Variants in KARS1 observed in about 807,000 individuals in gnomAD.
KARS1 encodes the protein lysine--tRNA ligase.
In KARS1, 50 loss-of-function variants were observed where a neutral mutation model predicts 63.9. The ratio of observed to expected loss-of-function variants is 0.78; its 90% CI spans 0.62 to 0.99. The LOEUF is 0.99. Ranked by LOEUF, KARS1 falls within the 50% of genes least tolerant of loss-of-function variation. The pLI is 0.00. For synonymous variants in KARS1, 320 were observed against 264.6 expected (o/e 1.21, Z -2.03); for missense variants, 816 against 754.5 (o/e 1.08, Z -0.95).
At chr16:75,635,628 G>A in intron 6 of KARS1, 52 bp downstream of exon 6, 3 of 1,604,432 alleles carry the variant, frequency 1.9e-6, no homozygotes, top group Non-Finnish European at 2.6e-6. Context: ...GGGAGAGGAG[G>A]AGGCAAGCAT....
chr16:75,630,660 G>A (rs1476268100), intron 10 of KARS1, 152 bp from the exon 11 acceptor site: 9 of 353,098 alleles, frequency 2.5e-5, no homozygotes, highest in Non-Finnish European at 4.6e-5. Flanking sequence ...TATTGAGATG[G>A]AGTCTCGCTC....
intron 4 of KARS1, 70 bp from the exon 5 acceptor site, chr16:75,636,168 A>C: frequency 1.0e-6 from 1 of 971,090 alleles, no homozygotes; most frequent in Non-Finnish European, 1.6e-6. Context: ...CTCCTCTGGA[A>C]CCCTCACTCA....
chr16:75,640,263 G>C lies in KARS1; in HGVS notation c.309C>G (p.Ile103Met), dbSNP rs199833875. Residue 103 changes from isoleucine to methionine, a missense_variant, in exon 3 of 14, where the codon ATC becomes ATG. Transcript: ENST00000302445. ...ATTTTTGGATGAAGTCAGTGAGTGA[G>C]ATGTCTACATGGAACTTGTGTGGGT... ...DPYPHKFHVD[I>M]SLTDFIQKYS... 353 of 1,613,390 alleles carry C rather than the reference G, an allele frequency of 2.2e-4. 1 individual carries two copies. The highest frequency in any genetic ancestry group is 8.8e-5 in the Non-Finnish European group (104 of 1,179,808).
At chr16:75,645,086 C>T (rs8047430) in intron 1 of KARS1, among the ~76,000 whole-genome samples, 152,366 of 152,378 alleles carry the variant, frequency 1, 76,177 homozygotes, top group Non-Finnish European at 1. Flanking sequence ...CTATTTCACT[C>T]GGGCAGGGAG....
intron 4 of KARS1, 41 bp downstream of exon 4, chr16:75,636,413 G>A (rs2082162146): frequency 1.5e-6 from 2 of 1,308,322 alleles, no homozygotes; most frequent in East Asian, 4.6e-5. Flanking sequence ...TGTTGCTCTA[G>A]GCCAACCAAG....
At position 75,631,435 on chromosome 16, in the gene KARS1, C is replaced by A. The variant is rs113570860; in HGVS notation, c.1233G>T (p.Thr411=). The A allele has an allele frequency of 6.2e-7, 1 of 1,614,074 alleles. No individual in the cohort carries two copies. Among genetic ancestry groups the A allele is most frequent in the South Asian group, 1.1e-5 (1 of 91,078 alleles). ...EKALGMKLPE[T]NLFETEETRK... ...CTTTACCTTCAGTTTCAAAGAGGTT[C>A]GTTTCTGGCAGCTTCATCCCCAGGG... The change falls in exon 9 of 14, where the codon ACG becomes ACT. Residue 411 remains threonine, a synonymous_variant. Coordinates refer to ENST00000302445, the MANE Select transcript of KARS1 (RefSeq NM_005548.3).
chr16:75,634,153 G>C lies in KARS1; in HGVS notation c.915+20C>G. ...GCTTTCTGCTTCTTTAAGGGAAAAG[G>C]GTGTACTATTACTGACTACCTTATG... On this transcript the variant is annotated intron_variant, in intron 7 of 13. Transcript: ENST00000302445. 1.2e-6 allele frequency: 2 copies of C among 1,612,262 alleles called. No homozygotes were observed. The highest frequency in any genetic ancestry group is 1.3e-5 in the African/African-American group (1 of 74,978).
At chr16:75,635,063 G>A (rs769587876) in intron 6 of KARS1, among the ~76,000 whole-genome samples, 7 of 152,194 alleles carry the variant, frequency 4.6e-5, no homozygotes, top group Non-Finnish European at 1.0e-4. Flanking sequence ...CATTAAGAAA[G>A]AGTATCTATC....
At chr16:75,630,572 A>C in intron 10 of KARS1, 64 bp from the exon 11 acceptor site, 2 of 994,172 alleles carry the variant, frequency 2.0e-6, no homozygotes, top group Non-Finnish European at 3.2e-6. Flanking sequence ...GTCCCAGCCC[A>C]GACAGAAGAT....
rs2082086913 is a variant in KARS1 at position 75,629,482 on chromosome 16, ATC to A, written c.1482_1483del (p.Glu494AspfsTer7). On this transcript the variant is annotated frameshift_variant, in exon 12 of 14. Transcript: ENST00000302445. LOFTEE classifies it high-confidence loss of function. Reference sequence around the variant, plus strand: ...ATTCAGCTCAGTATACGCATTGCATATCTCTTTCTTCATGACAAACAGCTCAA... The same window carrying A: ...ATTCAGCTCAGTATACGCATTGCATATCTTTCTTCATGACAAACAGCTCAA... The A allele has an allele frequency of 6.2e-7, 1 of 1,613,994 alleles. No homozygotes were observed. Among genetic ancestry groups the A allele is most frequent in the South Asian group, 1.1e-5 (1 of 91,086 alleles).
intron 1 of KARS1, among the ~76,000 whole-genome samples, chr16:75,642,227 A>C (rs1465222193): frequency 9.4e-6 from 1 of 106,314 alleles, no homozygotes; most frequent in Non-Finnish European, 1.8e-5. Flanking sequence ...TTTATGAGAC[A>C]GAGTTTTGCT....
Position 75,640,354 on chromosome 16 carries a change from T to TAAATAAAAAAAAAAAA in KARS1, c.223-6_223-5insTTTTTTTTTTTTATTT, listed in dbSNP as rs2082210433. ...ACTGCGGATTTTGTAGTATTGCTGT[T>TAAATAAAAAAAAAAAA]AAAAAAAAAAAAAAAAAAGCCCTTC... On this transcript the variant is annotated splice_region_variant and splice_polypyrimidine_tract_variant and intron_variant, in intron 2 of 13. Transcript: ENST00000302445. 7.7e-7 allele frequency: 1 copy of TAAATAAAAAAAAAAAA among 1,293,216 alleles called. No individual in the cohort carries two copies. The allele number at this position is 1,293,216 out of a possible 1,614,324, so 80.1% of individuals were successfully genotyped here. A position where few individuals can be genotyped will look rare whatever the true frequency, so the allele number is the denominator to read the frequency against.
At chr16:75,640,892 A>G (rs1232442807) in intron 2 of KARS1, among the ~76,000 whole-genome samples, 1 of 152,216 alleles carries the variant, frequency 6.6e-6, no homozygotes, top group African/African-American at 2.4e-5. Flanking sequence ...CTGTGTTCCA[A>G]TACAATTTTA....
At chr16:75,642,935 C>G (rs547411629) in intron 1 of KARS1, 1 of 152,326 alleles carries the variant, frequency 6.6e-6, no homozygotes, top group South Asian at 2.1e-4. Context: ...TGGCATTCAG[C>G]TAACCAAATG....
intron 3 of KARS1, 85 bp from the exon 4 acceptor site, chr16:75,636,632 T>A (rs1597170221): frequency 6.9e-6 from 2 of 289,628 alleles, no homozygotes; most frequent in Admixed American, 9.6e-5. Flanking sequence ...TCCCTCTGCA[T>A]TTTTTTTTTT....
intron 8 of KARS1, 50 bp downstream of exon 8, chr16:75,631,643 G>A (rs758167401): frequency 6.2e-7 from 1 of 1,613,856 alleles, no homozygotes; most frequent in Non-Finnish European, 8.5e-7. Context: ...GCCCTCCTCT[G>A]AAAGCAGCAT....
chr16:75,639,947 G>A lies in KARS1; in HGVS notation c.388+237C>T, dbSNP rs551100596. 2.9e-5 allele frequency: 16 copies of A among 550,596 alleles called. No individual in the cohort carries two copies. The South Asian group carries it at 3.2e-4, about 11-fold the overall frequency. The allele number at this position is 550,596 out of a possible 1,614,324, so 34.1% of individuals were successfully genotyped here. A position where few individuals can be genotyped will look rare whatever the true frequency, so the allele number is the denominator to read the frequency against. ...TCTACCGCTGATTCTTGCTGATGAAGGGAATCCTTATAGAGAAAGCCCCTC... is the reference window on the plus strand; with the variant it reads ...TCTACCGCTGATTCTTGCTGATGAAAGGAATCCTTATAGAGAAAGCCCCTC... On this transcript the variant is annotated intron_variant, in intron 3 of 13. Transcript: ENST00000302445.
At chr16:75,639,738 T>C (rs373945702) in intron 3 of KARS1, 22 of 168,224 alleles carry the variant, frequency 1.3e-4, no homozygotes, top group East Asian at 3.4e-4. Context: ...CTACAACTGA[T>C]AGTTTTACTA....
In KARS1 at chr16:75,631,146, CAAG is replaced by C; in HGVS notation, c.1338+19_1338+21del. Reference sequence around the variant, plus strand: ...ATTCAGCACCAGATGAGGACATGTACAAGAAGGCAGGGCCTTCTCACCTTGTCA... The same window carrying C: ...ATTCAGCACCAGATGAGGACATGTACAAGGCAGGGCCTTCTCACCTTGTCA... On this transcript the variant is annotated intron_variant, in intron 10 of 13. Coordinates refer to ENST00000302445, the MANE Select transcript of KARS1 (RefSeq NM_005548.3). 1 of 1,590,152 alleles carries C rather than the reference CAAG, an allele frequency of 6.3e-7. No individual in the cohort carries two copies. Among genetic ancestry groups the C allele is most frequent in the Non-Finnish European group, 8.6e-7 (1 of 1,159,176 alleles).
Sources: allele counts gnomAD v4.1 joint callset (sites outside exome capture counted in the v4.1 genomes callset), GRCh38; gene constraint gnomAD v4.1.1; transcripts MANE v1.5; gene names NCBI Gene and HGNC (gene_info 2026-07-23, HGNC 2026-07-21).